NCKAP5: variants seen among roughly 807,000 people sequenced by gnomAD.
NCKAP5 encodes NCK associated protein 5.
Under a neutral mutation model 167.0 loss-of-function variants are expected in NCKAP5, and 92 were observed. The observed-to-expected ratio is 0.55, with a 90% CI of 0.47 to 0.66. The LOEUF (loss-of-function observed/expected upper bound fraction) is 0.66. Among genes scored for constraint, NCKAP5 ranks in the 30% least tolerant of loss-of-function variants. The probability of loss-of-function intolerance (pLI) is 0.00; values close to 1 mark genes in which losing one functional copy is unlikely to be tolerated. For missense variants in NCKAP5, 2,378 were observed against 2,315.0 expected (o/e 1.03, Z -0.56); for synonymous variants, 891 against 877.4 (o/e 1.02, Z -0.27).
chr2:133,212,430 C>A (rs560016068), intron 5 of NCKAP5, among the ~76,000 whole-genome samples: 1 of 152,266 alleles, frequency 6.6e-6, no homozygotes, highest in East Asian at 1.9e-4. Context: ...TGCAATGGCA[C>A]AATCTCGGCT....
chr2:133,503,201 C>A (rs1682693471), intron 3 of NCKAP5, among the ~76,000 whole-genome samples: 1 of 152,186 alleles, frequency 6.6e-6, no homozygotes, highest in Non-Finnish European at 1.5e-5. Context: ...TCATTTCTTC[C>A]TTTACTCAGT....
At chr2:133,165,650 G>C (rs1474152378) in intron 5 of NCKAP5, among the ~76,000 whole-genome samples, 1 of 152,140 alleles carries the variant, frequency 6.6e-6, no homozygotes, top group African/African-American at 2.4e-5. Flanking sequence ...AGACAGTGAT[G>C]GGTGTAAGCT....
At chr2:133,183,113 A>C (rs1157568978) in intron 5 of NCKAP5, among the ~76,000 whole-genome samples, 2 of 152,166 alleles carry the variant, frequency 1.3e-5, no homozygotes, top group African/African-American at 4.8e-5. Context: ...AATTCAATTT[A>C]TAATTTAAAA....
At chr2:133,128,599 T>TC (rs200678237) in intron 6 of NCKAP5, among the ~76,000 whole-genome samples, 3,094 of 136,370 alleles carry the variant, frequency 0.023, 100 homozygotes, top group African/African-American at 0.091. Flanking sequence ...TCTCTCTCTC[T>TC]TTTTTTTTTT....
the NCKAP5 span, among the ~76,000 whole-genome samples, chr2:133,640,903 C>T: frequency 6.6e-6 from 1 of 152,186 alleles, no homozygotes; most frequent in African/African-American, 2.4e-5. Flanking sequence ...CAGATTGTTT[C>T]CTAAGAATCC....
intron 2 of NCKAP5, among the ~76,000 whole-genome samples, chr2:133,536,422 A>T (rs1441072723): frequency 1.3e-5 from 2 of 151,868 alleles, no homozygotes; most frequent in Non-Finnish European, 2.9e-5. Context: ...ATTTTTGACA[A>T]CTGTGTCAAA....
intron 3 of NCKAP5, among the ~76,000 whole-genome samples, chr2:133,486,651 T>A (rs1680933356): frequency 6.6e-6 from 1 of 152,210 alleles, no homozygotes; most frequent in Non-Finnish European, 1.5e-5. Flanking sequence ...CTCATTAGAT[T>A]ATCAGAAATT....
At chr2:133,515,225 A>G (rs928930410) in intron 3 of NCKAP5, among the ~76,000 whole-genome samples, 1 of 152,238 alleles carries the variant, frequency 6.6e-6, no homozygotes, top group African/African-American at 2.4e-5. Flanking sequence ...AATCAACTCA[A>G]AAAGAATACT....
At chr2:132,734,316 C>A (rs898664602) in intron 16 of NCKAP5, among the ~76,000 whole-genome samples, 7 of 152,202 alleles carry the variant, frequency 4.6e-5, no homozygotes, top group African/African-American at 1.7e-4. Flanking sequence ...CCTACACATA[C>A]AACACTTCAG....
chr2:133,371,894 G>A (rs764678023), intron 3 of NCKAP5, among the ~76,000 whole-genome samples: 66 of 151,918 alleles, frequency 4.3e-4, no homozygotes, highest in Non-Finnish European at 4.1e-4. Flanking sequence ...TTCTAATCAA[G>A]GATTCATTGA....
At position 132,783,845 on chromosome 2, in the gene NCKAP5, G is replaced by A; in HGVS notation, c.2966C>T (p.Thr989Ile). ...AGAAGGTTTCTTCCTCTGCACTTCT[G>A]TCGTGGCCGGATTAGAAGAAATAAC... ...APVISSNPAT[T>I]EVQRKKPSVA... The change falls in exon 14 of 20, where the codon ACA becomes ATA. Residue 989 changes from threonine to isoleucine, a missense_variant. Around this residue, in one of 3 missense-constraint regions of NCKAP5, gnomAD observed 1,325 missense variants for 1,274.5 expected, o/e 1.04. Transcript: ENST00000409261. 5 of 1,533,004 alleles carry A rather than the reference G, an allele frequency of 3.3e-6. No individual in the cohort carries two copies. The highest frequency in any genetic ancestry group is 4.4e-6 in the Non-Finnish European group (5 of 1,141,572). The allele number at this position is 1,533,004 out of a possible 1,614,324, so 95.0% of individuals were successfully genotyped here.
rs1223591460 is a variant in NCKAP5 at position 133,538,934 on chromosome 2, T to G, written c.-62+20116A>C. ...TTTTTTTTTGTGGTTTTTTTGGGTT[T>G]TTTTTTTTTTTTTTTTTTTTTTTTG... is the stretch of plus-strand genomic sequence containing the variant. On this transcript the variant is annotated intron_variant, in intron 2 of 19. Coordinates refer to ENST00000409261, the MANE Select transcript of NCKAP5 (RefSeq NM_207363.3). 5.1e-4 allele frequency among the ~76,000 whole-genome samples: 28 copies of G among 54,770 alleles called. 3 individuals are homozygous for G. The highest frequency in any genetic ancestry group is 9.4e-4 in the South Asian group (1 of 1,068). The allele number at this position is 54,770 out of a possible 152,430, so 35.9% of individuals were successfully genotyped here.
chr2:132,983,110 A>C (rs2077188776), intron 7 of NCKAP5, among the ~76,000 whole-genome samples: 1 of 152,028 alleles, frequency 6.6e-6, no homozygotes, highest in Non-Finnish European at 1.5e-5. Context: ...TCTCAGCTTG[A>C]CTGTTACTGA....
In NCKAP5 at chr2:133,168,016, C is replaced by T. The variant is rs74417247; in HGVS notation, c.208-37905G>A. Reference sequence around the variant, plus strand: ...GTGTGTGTTTACTGTTTGCAAGGTACTATTTTAAGCGCTTTATATGATAAT... The same window carrying T: ...GTGTGTGTTTACTGTTTGCAAGGTATTATTTTAAGCGCTTTATATGATAAT... On this transcript the variant is annotated intron_variant, in intron 5 of 19. Transcript: ENST00000409261. Among the ~76,000 whole-genome samples, 95 of 152,214 alleles carry T rather than the reference C, an allele frequency of 6.2e-4. 1 individual carries two copies. The East Asian group carries it at 0.014, about 22-fold the overall frequency.
At chr2:132,997,403 T>A (rs1237176554) in intron 6 of NCKAP5, among the ~76,000 whole-genome samples, 1 of 152,232 alleles carries the variant, frequency 6.6e-6, no homozygotes, top group Non-Finnish European at 1.5e-5. Flanking sequence ...CTGTTCCCTA[T>A]ATTTTCACAA....
intron 2 of NCKAP5, among the ~76,000 whole-genome samples, chr2:133,526,238 AGGGAG>A (rs1684894118): frequency 2.0e-5 from 1 of 50,880 alleles, no homozygotes; most frequent in African/African-American, 8.6e-5. Context: ...AAAGGAAAGG[AGGGAG>A]GGAAGGAGGG....
At chr2:132,686,596 A>G (rs1685969065) in intron 19 of NCKAP5, among the ~76,000 whole-genome samples, 1 of 152,216 alleles carries the variant, frequency 6.6e-6, no homozygotes, top group Non-Finnish European at 1.5e-5. Context: ...CTAGTGGAAT[A>G]AAAGGAGGAT....
At chr2:133,390,298 C>T (rs532304343) in intron 3 of NCKAP5, among the ~76,000 whole-genome samples, 1 of 152,244 alleles carries the variant, frequency 6.6e-6, no homozygotes, top group Admixed American at 6.5e-5. Context: ...CTATTTTAGC[C>T]TCTGGGAGTC....
At chr2:132,939,462 G>A (rs888081927) in intron 8 of NCKAP5, among the ~76,000 whole-genome samples, 3 of 152,172 alleles carry the variant, frequency 2.0e-5, no homozygotes, top group Admixed American at 1.3e-4. Flanking sequence ...TCTAGCCTCC[G>A]GGCTTGAGAC....
Sources: allele counts gnomAD v4.1 joint callset (sites outside exome capture counted in the v4.1 genomes callset), GRCh38; gene constraint gnomAD v4.1.1; regional missense constraint gnomAD v4.1.1; transcripts MANE v1.5; gene names NCBI Gene and HGNC (gene_info 2026-07-23, HGNC 2026-07-21).